HAPLN1: variants seen among roughly 807,000 people sequenced by gnomAD.
HAPLN1 encodes the protein hyaluronan and proteoglycan link protein 1.
A neutral mutation model predicts 36.5 loss-of-function variants in HAPLN1; 13 were observed. The ratio of observed to expected loss-of-function variants is 0.36; its 90% CI spans 0.23 to 0.57. The LOEUF is 0.57. Among genes scored for constraint, HAPLN1 ranks in the 20% least tolerant of loss-of-function variants. The pLI is 0.83. For missense variants in HAPLN1, 407 were observed against 439.7 expected (o/e 0.93, Z 0.66); for synonymous variants, 202 against 169.8 (o/e 1.19, Z -1.48).
At chr5:83,705,269 A>G (rs757596242) in intron 1 of HAPLN1, among the ~76,000 whole-genome samples, 3 of 151,870 alleles carry the variant, frequency 2.0e-5, no homozygotes, top group Non-Finnish European at 2.9e-5. Context: ...ATGCACCTGT[A>G]ATCCCAGCTA....
At chr5:83,654,597 G>A (rs375630185) in intron 2 of HAPLN1, among the ~76,000 whole-genome samples, 2 of 152,180 alleles carry the variant, frequency 1.3e-5, no homozygotes, top group Admixed American at 6.5e-5. Flanking sequence ...AGTATCTTGT[G>A]GGGGGCAAGG....
At chr5:83,711,169 G>A (rs1751775228) in intron 1 of HAPLN1, among the ~76,000 whole-genome samples, 1 of 152,134 alleles carries the variant, frequency 6.6e-6, no homozygotes, top group South Asian at 2.1e-4. Context: ...GTACAGACCA[G>A]AGGCTAGTTT....
chr5:83,664,676 T>C (rs1750505806), intron 2 of HAPLN1, among the ~76,000 whole-genome samples: 1 of 152,024 alleles, frequency 6.6e-6, no homozygotes, highest in South Asian at 2.1e-4. Context: ...AGCCACTGTG[T>C]CTTCCAAAAA....
chr5:83,639,321 A>G lies in HAPLN1; in HGVS notation c.*2175T>C, dbSNP rs1455347209. On this transcript the variant is annotated 3_prime_UTR_variant, in exon 5 of 5. Coordinates refer to ENST00000274341, the MANE Select transcript of HAPLN1 (RefSeq NM_001884.4). Reference sequence around the variant, plus strand: ...TGGAAAAATGATGTGTAAGTGGTATAGATTTTAATCAGCTAACAGTCACTC... The same window carrying G: ...TGGAAAAATGATGTGTAAGTGGTATGGATTTTAATCAGCTAACAGTCACTC... The G allele has an allele frequency of 6.6e-6, 1 of 152,076 alleles. No individual in the cohort carries two copies. The highest frequency in any genetic ancestry group is 1.5e-5 in the Non-Finnish European group (1 of 67,906). 9.4% of individuals were successfully genotyped at this position (152,076 alleles called of 1,614,324 possible).
chr5:83,694,192 A>T (rs919581609), intron 1 of HAPLN1, among the ~76,000 whole-genome samples: 2 of 152,030 alleles, frequency 1.3e-5, no homozygotes, highest in Non-Finnish European at 2.9e-5. Flanking sequence ...AATTTTAAAT[A>T]ACCCAAGGGT....
intron 3 of HAPLN1, among the ~76,000 whole-genome samples, chr5:83,650,598 A>T (rs1385842687): frequency 6.6e-6 from 1 of 151,770 alleles, no homozygotes; most frequent in Non-Finnish European, 1.5e-5. Flanking sequence ...GGAGATTTGC[A>T]ATGGTGCAGA....
At chr5:83,651,558 G>A (rs535761046) in intron 3 of HAPLN1, among the ~76,000 whole-genome samples, 1 of 32,992 alleles carries the variant, frequency 3.0e-5, no homozygotes, top group Non-Finnish European at 5.7e-5. Context: ...TATGTGATAG[G>A]ATTGTATGGG....
chr5:83,644,542 C>A lies in HAPLN1; in HGVS notation c.596G>T (p.Arg199Leu). The change falls in exon 4 of 5, where the codon CGG becomes CTG. Residue 199 changes from arginine (R) to leucine (L), a missense_variant. By Grantham distance (102) the Arg-to-Leu change is moderately radical (BLOSUM62 -2). Transcript: ENST00000274341. ...GGCATTGCACCAGTCCAGCCCGCCC[C>A]GCCAGGCGTCGTACAGCTGGTCGAA... Reference protein sequence around the residue: ...ASFDQLYDAWRGGLDWCNAGW... With the variant: ...ASFDQLYDAWLGGLDWCNAGW... 1 of 1,608,830 alleles carries A rather than the reference C, an allele frequency of 6.2e-7. No homozygotes were observed. The highest frequency in any genetic ancestry group is 2.2e-5 in the East Asian group (1 of 44,468).
chr5:83,713,727 C>A (rs959658521), intron 1 of HAPLN1, among the ~76,000 whole-genome samples: 4 of 152,142 alleles, frequency 2.6e-5, no homozygotes, highest in African/African-American at 4.8e-5. Flanking sequence ...TAATCTTAGT[C>A]AATTGCATCC....
chr5:83,664,300 C>T (rs531941572), intron 2 of HAPLN1, among the ~76,000 whole-genome samples: 6 of 152,294 alleles, frequency 3.9e-5, no homozygotes, highest in South Asian at 4.2e-4. Context: ...GAGGGCACCT[C>T]CCAAACTCGT....
At chr5:83,655,315 C>A (rs1791369875) in intron 2 of HAPLN1, among the ~76,000 whole-genome samples, 1 of 152,088 alleles carries the variant, frequency 6.6e-6, no homozygotes, top group African/African-American at 2.4e-5. Flanking sequence ...TAACTGTAAA[C>A]CATCTTGCAG....
chr5:83,667,689 A>T (rs1053755692), intron 2 of HAPLN1, among the ~76,000 whole-genome samples: 1 of 152,108 alleles, frequency 6.6e-6, no homozygotes. Context: ...CTCCCATTAA[A>T]CTTTGGCTCT....
At chr5:83,673,237 C>A (rs1205419629) in intron 2 of HAPLN1, among the ~76,000 whole-genome samples, 187 bp downstream of exon 2, 4 of 152,164 alleles carry the variant, frequency 2.6e-5, no homozygotes, top group African/African-American at 9.7e-5. Flanking sequence ...CTTTAATTGT[C>A]CCCAATTCTT....
intron 1 of HAPLN1, among the ~76,000 whole-genome samples, chr5:83,679,355 A>G (rs905480523): frequency 6.6e-6 from 1 of 152,206 alleles, no homozygotes; most frequent in Admixed American, 6.5e-5. Flanking sequence ...CTCATGTCTC[A>G]GAACCTGCAT....
At position 83,652,791 on chromosome 5, in the gene HAPLN1, T is replaced by C; in HGVS notation, c.134A>G (p.Glu45Gly). 1 of 1,606,436 alleles carries C rather than the reference T, an allele frequency of 6.2e-7. No individual in the cohort carries two copies. Among genetic ancestry groups the C allele is most frequent in the Non-Finnish European group, 8.5e-7 (1 of 1,173,784 alleles). ...ENGPHLLVEA[E>G]QAKVFSHRGG... is the part of the protein sequence containing the mutation. ...TCTGTGTGAAAACACCTTGGCTTGC[T>C]CTGCTTCCACAAGTAGATGGGGGCC... Residue 45 changes from glutamate to glycine, a missense_variant, in exon 3 of 5, where the codon GAG becomes GGG. Glu to Gly is a moderately conservative substitution (Grantham distance 98). Coordinates refer to ENST00000274341, the MANE Select transcript of HAPLN1 (RefSeq NM_001884.4).
At chr5:83,696,254 A>G (rs1751386920) in intron 1 of HAPLN1, among the ~76,000 whole-genome samples, 1 of 152,178 alleles carries the variant, frequency 6.6e-6, no homozygotes, top group Non-Finnish European at 1.5e-5. Flanking sequence ...GATAAATTAA[A>G]TGAGACATAA....
rs1278532919 is a variant in HAPLN1, at chr5:83,667,207, T to C, written c.100+6217A>G. 2.6e-5 allele frequency among the ~76,000 whole-genome samples: 4 copies of C among 152,212 alleles called. No individual in the cohort carries two copies. The East Asian group carries it at 7.7e-4, about 29-fold the overall frequency. On this transcript the variant is annotated intron_variant, in intron 2 of 4. Coordinates refer to ENST00000274341, the MANE Select transcript of HAPLN1 (RefSeq NM_001884.4). ...ATTTTTACATATGTATGTATACTCC[T>C]ACATATATACTTTTGTTCTTTACTT... is the stretch of plus-strand genomic sequence containing the variant.
At chr5:83,646,573 A>G (rs1207596978) in intron 3 of HAPLN1, among the ~76,000 whole-genome samples, 1 of 152,250 alleles carries the variant, frequency 6.6e-6, no homozygotes, top group African/African-American at 2.4e-5. Flanking sequence ...CATGAAAGGC[A>G]GAGACCCAAG....
At chr5:83,690,677 T>A (rs1025529965) in intron 1 of HAPLN1, among the ~76,000 whole-genome samples, 7 of 152,046 alleles carry the variant, frequency 4.6e-5, no homozygotes, top group Non-Finnish European at 8.8e-5. Context: ...TGCTAATTTA[T>A]GAATTTGCGC....
Sources: gnomAD v4.1 joint callset for allele counts (sites outside exome capture counted in the v4.1 genomes callset) on GRCh38, gnomAD v4.1.1 for gene constraint, MANE v1.5 for transcripts, NCBI Gene and HGNC (gene_info 2026-07-23, HGNC 2026-07-21) for gene names.